Variants in GCKR observed in about 807,000 individuals in gnomAD.
The protein encoded by GCKR is glucokinase regulatory protein.
Under a neutral mutation model 82.9 loss-of-function variants are expected in GCKR, and 73 were observed. The ratio of observed to expected loss-of-function variants is 0.88; its 90% CI spans 0.73 to 1.07. The LOEUF is 1.07. GCKR is among the 50% of genes least tolerant of loss of function. The probability of loss-of-function intolerance (pLI) is 0.00; values close to 1 mark genes in which losing one functional copy is unlikely to be tolerated. For synonymous variants in GCKR, 294 were observed against 291.8 expected (o/e 1.01, Z -0.08); for missense variants, 784 against 782.1 (o/e 1.00, Z -0.03).
In GCKR at chr2:27,522,497, GC is replaced by G; in HGVS notation, c.1612del (p.Leu538SerfsTer33). 6.2e-7 allele frequency: 1 copy of G among 1,613,032 alleles called. No homozygotes were observed. Among genetic ancestry groups the G allele is most frequent in the Non-Finnish European group, 8.5e-7 (1 of 1,178,990 alleles). ...CAGTCCAAGGCTCGATGCATCGAGA[GC>G]CTCCTCCGAGCGATCCACTTTCCCC... ...SGQSKARCIE[S>X]LLRAIHFPQP... On this transcript the variant is annotated frameshift_variant, in exon 18 of 19. Coordinates refer to ENST00000264717, the MANE Select transcript of GCKR (RefSeq NM_001486.4). LOFTEE classifies it high-confidence loss of function.
rs8179206 is a variant in GCKR at position 27,497,575 on chromosome 2, A to G, written c.230A>G (p.Glu77Gly). ...ALSTYQRLYS[E>G]SILTTMVQVA... ...TATTCCCTACAGAGACTCTACAGCG[A>G]ATCCATTCTGACCACCATGGTACAG... is the stretch of plus-strand genomic sequence containing the variant. The change falls in exon 3 of 19, where the codon GAA becomes GGA. Residue 77 changes from glutamate (E) to glycine (G), a missense_variant. By Grantham distance (98) the Glu-to-Gly change is moderately conservative. Coordinates refer to ENST00000264717, the MANE Select transcript of GCKR (RefSeq NM_001486.4). 1,097 of 1,612,790 alleles carry G rather than the reference A, an allele frequency of 6.8e-4. 11 individuals carry two copies. The East Asian group carries it at 0.019, about 28-fold the overall frequency.
Position 27,507,315 on chromosome 2 carries a change from G to T in GCKR, c.1143+4G>T. The T allele has an allele frequency of 1.9e-6, 3 of 1,592,452 alleles. No homozygotes were observed. The highest frequency in any genetic ancestry group is 2.6e-6 in the Non-Finnish European group (3 of 1,160,556). ...GAAGGCTGAGCTCACCAACCAGGTC[G>T]GAGAAGAACAGGACTTGGGGAAGCT... On this transcript the variant is annotated splice_donor_region_variant and intron_variant, in intron 13 of 18. Coordinates refer to ENST00000264717, the MANE Select transcript of GCKR (RefSeq NM_001486.4).
chr2:27,497,179 CCAGCT>C (rs1167006952), intron 1 of GCKR, 60 bp from the exon 2 acceptor site: 43 of 1,583,992 alleles, frequency 2.7e-5, no homozygotes, highest in Non-Finnish European at 3.7e-5. Context: ...ACTCCCACCT[CCAGCT>C]CAGCAGGCAT....
Position 27,507,174 on chromosome 2 carries a change from C to T in GCKR, c.1067-61C>T, listed in dbSNP as rs1050502012. ...CAGTCCCATTTTCTCCCCCTGAAGC[C>T]TAGAACCTTCCTTTCCTATATAGCC... On this transcript the variant is annotated intron_variant, in intron 12 of 18. Coordinates refer to ENST00000264717, the MANE Select transcript of GCKR (RefSeq NM_001486.4). 3 of 1,189,768 alleles carry T rather than the reference C, an allele frequency of 2.5e-6. No homozygotes were observed. In the African/African-American group the frequency reaches 4.5e-5, roughly 18 times the overall value. The allele number at this position is 1,189,768 out of a possible 1,614,324, so 73.7% of individuals were successfully genotyped here. A position where few individuals can be genotyped will look rare whatever the true frequency, so the allele number is the denominator to read the frequency against.
chr2:27,522,648 T>G, intron 18 of GCKR, 54 bp downstream of exon 18: 2 of 1,487,026 alleles, frequency 1.3e-6, no homozygotes, highest in Non-Finnish European at 1.9e-6. Flanking sequence ...ACTTTCAGTG[T>G]GTCAGGAAGT....
At chr2:27,512,222 CA>C (rs1486764062) in intron 16 of GCKR, among the ~76,000 whole-genome samples, 8 of 84,748 alleles carry the variant, frequency 9.4e-5, no homozygotes, top group African/African-American at 3.8e-4. Flanking sequence ...CTGGGCGACA[CA>C]AGACTCCATC....
intron 12 of GCKR, among the ~76,000 whole-genome samples, 159 bp from the exon 13 acceptor site, chr2:27,507,076 C>T (rs1451979158): frequency 6.6e-6 from 1 of 152,158 alleles, no homozygotes; most frequent in Non-Finnish European, 1.5e-5. Flanking sequence ...TCTCAGCTCC[C>T]ACCCCTGTGC....
At chr2:27,511,540 T>C (rs1253629032) in intron 16 of GCKR, among the ~76,000 whole-genome samples, 1 of 151,326 alleles carries the variant, frequency 6.6e-6, no homozygotes, top group East Asian at 2.0e-4. Flanking sequence ...CTACTAAAAA[T>C]ACAAAAAAAT....
chr2:27,522,528 A>G lies in GCKR; in HGVS notation c.1641A>G (p.Pro547=), dbSNP rs1670176775. ...TCCGAGCGATCCACTTTCCCCAGCC[A>G]CTGTCAGATGATATTCGGGCTGCTC... The part of the protein sequence containing the change: ...SLLRAIHFPQ[P]LSDDIRAAPI... Residue 547 remains proline, a synonymous_variant, in exon 18 of 19, where the codon CCA becomes CCG. Transcript: ENST00000264717. 2 of 1,613,946 alleles carry G rather than the reference A, an allele frequency of 1.2e-6. No homozygotes were observed. The highest frequency in any genetic ancestry group is 1.7e-6 in the Non-Finnish European group (2 of 1,179,854).
chr2:27,521,005 C>T (rs1670138122), intron 17 of GCKR, among the ~76,000 whole-genome samples: 1 of 151,982 alleles, frequency 6.6e-6, no homozygotes, highest in African/African-American at 2.4e-5. Flanking sequence ...GATAGTGCCA[C>T]TGCACTCCAG....
Position 27,505,722 on chromosome 2 carries a change from AG to A in GCKR, c.758del (p.Gly253ValfsTer8). ...TGGGTGTCTTCACCTCTTCAGCCCG[AG>A]GGTCTCAGCGGCTCCTCCCGGATGA... ...AFVLNPAIGP[E>X]GLSGSSRMKG... is the part of the protein sequence containing the mutation. On this transcript the variant is annotated frameshift_variant, in exon 10 of 19. Coordinates refer to ENST00000264717, the MANE Select transcript of GCKR (RefSeq NM_001486.4). LOFTEE classifies it high-confidence loss of function. The A allele has an allele frequency of 1.9e-6, 3 of 1,590,294 alleles. No individual in the cohort carries two copies. Among genetic ancestry groups the A allele is most frequent in the South Asian group, 2.2e-5 (2 of 90,630 alleles).
chr2:27,518,961 T>TG, intron 17 of GCKR, 24 bp downstream of exon 17: 17 of 735,086 alleles, frequency 2.3e-5, no homozygotes, highest in East Asian at 3.7e-5. Context: ...GGGGCAGGGT[T>TG]GGGTGGGACC....
chr2:27,505,840 G>C lies in GCKR; in HGVS notation c.869+4G>C. 2 of 1,414,378 alleles carry C rather than the reference G, an allele frequency of 1.4e-6. No individual in the cohort carries two copies. The highest frequency in any genetic ancestry group is 2.0e-6 in the Non-Finnish European group (2 of 997,472). 87.6% of individuals were successfully genotyped at this position (1,414,378 alleles called of 1,614,324 possible). On this transcript the variant is annotated splice_donor_region_variant and intron_variant, in intron 10 of 18. Transcript: ENST00000264717. ...AGGGCATTGCAGCATCTCAAAGGTA[G>C]GGAGGATCTGGATAAGAGAGAGCTC... is the stretch of plus-strand genomic sequence containing the variant.
Position 27,522,449 on chromosome 2 carries a change from TTC to T in GCKR, c.1573-9_1573-8del. 6.2e-7 allele frequency: 1 copy of T among 1,613,888 alleles called. No individual in the cohort carries two copies. The highest frequency in any genetic ancestry group is 8.5e-7 in the Non-Finnish European group (1 of 1,179,818). On this transcript the variant is annotated splice_polypyrimidine_tract_variant and intron_variant, in intron 17 of 18. Coordinates refer to ENST00000264717, the MANE Select transcript of GCKR (RefSeq NM_001486.4). ...TTTAGCCTGACACTGATCTTACCAC[TTC>T]TTCCTTAGCGGTTCTCTGGACAGTC...
rs8179204 is a variant in GCKR at position 27,496,964 on chromosome 2, G to A, written c.60G>A (p.Glu20=). The part of the protein sequence containing the change: ...VIETPEPGKW[E]LSGYEAAVPI... ...AGACCCCGGAGCCTGGCAAGTGGGA[G>A]GTGAGACCCCTTCTTCATGTTGGCT... Residue 20 remains glutamate (E), a splice_region_variant and synonymous_variant, in exon 1 of 19, where the codon GAG becomes GAA. Coordinates refer to ENST00000264717, the MANE Select transcript of GCKR (RefSeq NM_001486.4). The A allele has an allele frequency of 2.5e-6, 4 of 1,610,244 alleles. No individual in the cohort carries two copies. In the Admixed American group the frequency reaches 6.7e-5, roughly 27 times the overall value.
At chr2:27,520,819 T>G (rs1006062797) in intron 17 of GCKR, among the ~76,000 whole-genome samples, 3 of 151,708 alleles carry the variant, frequency 2.0e-5, no homozygotes, top group African/African-American at 7.3e-5. Context: ...GCAGATCACT[T>G]GAGGTCAGGA....
At chr2:27,516,815 T>C (rs1670022393) in intron 16 of GCKR, among the ~76,000 whole-genome samples, 2 of 152,204 alleles carry the variant, frequency 1.3e-5, no homozygotes, top group East Asian at 3.8e-4. Context: ...CAGTACTGCA[T>C]ACTTACTGGC....
At position 27,523,668 on chromosome 2, in the gene GCKR, A is replaced by G. The variant is rs1670205411; in HGVS notation, c.*229A>G. Reference sequence around the variant, plus strand: ...ATTCTGATTTCAGAAATAAAATGAAATGTCTTATTTTGGAAAGTTAACCTT... The same window carrying G: ...ATTCTGATTTCAGAAATAAAATGAAGTGTCTTATTTTGGAAAGTTAACCTT... On this transcript the variant is annotated 3_prime_UTR_variant, in exon 19 of 19. Coordinates refer to ENST00000264717, the MANE Select transcript of GCKR (RefSeq NM_001486.4). 2 of 555,576 alleles carry G rather than the reference A, an allele frequency of 3.6e-6. No individual in the cohort carries two copies. Among genetic ancestry groups the G allele is most frequent in the Non-Finnish European group, 3.2e-6 (1 of 308,654 alleles). The allele number at this position is 555,576 out of a possible 1,614,324, so 34.4% of individuals were successfully genotyped here. A position where few individuals can be genotyped will look rare whatever the true frequency, so the allele number is the denominator to read the frequency against.
In GCKR at chr2:27,497,353, A is replaced by G. The variant is rs1350927213; in HGVS notation, c.170A>G (p.Asp57Gly). The stretch of plus-strand genomic sequence containing the variant: ...ATTGTTCGACTGCTAGGGCAATGTG[A>G]TGCTGAGATCTTCCAGGAGGAGGGG... Reference protein sequence around the residue: ...ENIVRLLGQCDAEIFQEEGQA... With the variant: ...ENIVRLLGQCGAEIFQEEGQA... The change falls in exon 2 of 19, where the codon GAT becomes GGT. Residue 57 changes from aspartate (D) to glycine (G), a missense_variant. Physicochemically the swap from Asp to Gly is moderately conservative, Grantham distance 94. Transcript: ENST00000264717. 11 of 1,614,108 alleles carry G rather than the reference A, an allele frequency of 6.8e-6. No homozygotes were observed. In the Admixed American group the frequency reaches 1.0e-4, roughly 15 times the overall value.
Sources: gnomAD v4.1 joint callset for allele counts (sites outside exome capture counted in the v4.1 genomes callset) on GRCh38, gnomAD v4.1.1 for gene constraint, MANE v1.5 for transcripts, NCBI Gene and HGNC (gene_info 2026-07-23, HGNC 2026-07-21) for gene names.